Variants in ST8SIA1 observed in about 807,000 individuals in gnomAD.
ST8SIA1 encodes the protein ST8 alpha-N-acetyl-neuraminide alpha-2,8-sialyltransferase 1.
ST8SIA1 carries 16 observed loss-of-function variants against 35.9 expected under a neutral mutation model. The observed-to-expected ratio is 0.45, with a 90% CI of 0.30 to 0.68. The LOEUF (loss-of-function observed/expected upper bound fraction) is 0.68, where lower values mean the gene tolerates loss of function less well. Among genes scored for constraint, ST8SIA1 ranks in the 30% least tolerant of loss-of-function variants. The pLI is 0.09. For missense variants in ST8SIA1, 383 were observed against 453.6 expected (o/e 0.84, Z 1.41); for synonymous variants, 170 against 169.6 (o/e 1.00, Z -0.02).
At chr12:22,218,689 A>G (rs991260330) in intron 4 of ST8SIA1, among the ~76,000 whole-genome samples, 45 of 150,918 alleles carry the variant, frequency 3.0e-4, no homozygotes, top group African/African-American at 2.0e-4. Flanking sequence ...GCTACTCAAG[A>G]GGCCAAGGCA....
chr12:22,248,687 G>C (rs1865631695), intron 4 of ST8SIA1: 1 of 220,896 alleles, frequency 4.5e-6, no homozygotes, highest in Non-Finnish European at 8.8e-6. Flanking sequence ...CAATAAATTG[G>C]GACTGAAGCC....
chr12:22,200,858 A>G lies in ST8SIA1; in HGVS notation c.*694T>C, dbSNP rs1000834569. 6.6e-6 allele frequency: 1 copy of G among 152,178 alleles called. No homozygotes were observed. The highest frequency in any genetic ancestry group is 2.4e-5 in the African/African-American group (1 of 41,438). The allele number at this position is 152,178 out of a possible 1,614,324, so 9.4% of individuals were successfully genotyped here. A position where few individuals can be genotyped will look rare whatever the true frequency, so the allele number is the denominator to read the frequency against. ...GAAAGTGGCTCCTGTTATCCAGACT[A>G]TGAAGCAACACAGTCTAAATTCAAT... On this transcript the variant is annotated 3_prime_UTR_variant, in exon 5 of 5. Transcript: ENST00000396037.
chr12:22,211,171 T>C (rs1175210855), intron 4 of ST8SIA1, among the ~76,000 whole-genome samples: 1 of 152,240 alleles, frequency 6.6e-6, no homozygotes, highest in African/African-American at 2.4e-5. Context: ...GGGCAATGTA[T>C]GGAGGAAGGA....
At chr12:22,303,047 C>T (rs570139949) in intron 1 of ST8SIA1, among the ~76,000 whole-genome samples, 16 of 152,304 alleles carry the variant, frequency 1.1e-4, no homozygotes, top group Middle Eastern at 3.4e-3. Flanking sequence ...GTCATGGACA[C>T]ACGTGCTCAA....
intron 1 of ST8SIA1, 158 bp downstream of exon 1, chr12:22,333,839 A>C: frequency 1.2e-6 from 1 of 802,104 alleles, no homozygotes; most frequent in Non-Finnish European, 2.2e-6. Context: ...TAAAGTCTCC[A>C]GGTTGGGAAT....
chr12:22,249,241 T>C lies in ST8SIA1; in HGVS notation c.492-143A>G, dbSNP rs188288814. On this transcript the variant is annotated intron_variant, in intron 3 of 4. Coordinates refer to ENST00000396037, the MANE Select transcript of ST8SIA1 (RefSeq NM_003034.4). ...TTTTGTTTTTTTTTTTTTTTTGAGA[T>C]GGAGTCTCGCTCTGTTGCCCAGGCT... 1.2e-4 allele frequency: 67 copies of C among 578,426 alleles called. 1 individual carries two copies. Among genetic ancestry groups the C allele is most frequent in the Admixed American group, 1.7e-4 (6 of 34,650 alleles). The allele number at this position is 578,426 out of a possible 1,614,324, so 35.8% of individuals were successfully genotyped here.
chr12:22,206,505 G>A (rs1865112174), intron 4 of ST8SIA1, among the ~76,000 whole-genome samples: 1 of 152,204 alleles, frequency 6.6e-6, no homozygotes, highest in Admixed American at 6.5e-5. Flanking sequence ...CAGGTAGGAA[G>A]AGTGGGTAGG....
chr12:22,268,550 G>A (rs1323039469), intron 2 of ST8SIA1: 2 of 152,318 alleles, frequency 1.3e-5, no homozygotes, highest in African/African-American at 2.4e-5. Context: ...AAACAATCAC[G>A]GCAGAAGGGG....
At chr12:22,320,991 GAAAGAAAGAAAGAAGA>G (rs1565595955) in intron 1 of ST8SIA1, among the ~76,000 whole-genome samples, 18 of 114,892 alleles carry the variant, frequency 1.6e-4, no homozygotes, top group East Asian at 1.1e-3. Context: ...AAGAAAGAAA[GAAAGAAAGAAAGAAGA>G]AAGAAAGAAA....
chr12:22,244,647 G>A (rs748570558), intron 4 of ST8SIA1, among the ~76,000 whole-genome samples: 3 of 151,970 alleles, frequency 2.0e-5, no homozygotes, highest in Non-Finnish European at 2.9e-5. Context: ...TGGTAGAGAC[G>A]AGGTTTTGCC....
intron 4 of ST8SIA1, among the ~76,000 whole-genome samples, chr12:22,220,666 A>G (rs1332421370): frequency 1.3e-5 from 2 of 152,208 alleles, no homozygotes; most frequent in Non-Finnish European, 2.9e-5. Context: ...CAAAGTAAAA[A>G]CAGTGTTGGG....
intron 1 of ST8SIA1, chr12:22,326,027 A>C (rs897066986): frequency 2.1e-6 from 1 of 475,346 alleles, no homozygotes; most frequent in Non-Finnish European, 3.7e-6. Context: ...TTTAAAACTT[A>C]TGAATTGTTT....
intron 2 of ST8SIA1, among the ~76,000 whole-genome samples, chr12:22,256,425 C>T (rs913753583): frequency 1.3e-5 from 2 of 152,220 alleles, no homozygotes; most frequent in African/African-American, 4.8e-5. Flanking sequence ...TACAGAATTT[C>T]CTGCTTGCTG....
chr12:22,276,090 T>G (rs370373680), intron 2 of ST8SIA1, among the ~76,000 whole-genome samples: 6 of 152,144 alleles, frequency 3.9e-5, no homozygotes, highest in African/African-American at 1.4e-4. Context: ...TGGGGAGTGA[T>G]CTTTCCCTCA....
rs549240347 is a variant in ST8SIA1 at position 22,259,582 on chromosome 12, C to T, written c.382-4193G>A. On this transcript the variant is annotated intron_variant, in intron 2 of 4. Coordinates refer to ENST00000396037, the MANE Select transcript of ST8SIA1 (RefSeq NM_003034.4). Reference sequence around the variant, plus strand: ...CCAGGTTCACGCCATTCTCCTGCCTCGGCCTCCCGAGTAGCTGGGACTACA... The same window carrying T: ...CCAGGTTCACGCCATTCTCCTGCCTTGGCCTCCCGAGTAGCTGGGACTACA... 7.2e-5 allele frequency among the ~76,000 whole-genome samples: 11 copies of T among 152,166 alleles called. No homozygotes were observed. In the East Asian group the frequency reaches 1.9e-3, roughly 27 times the overall value.
chr12:22,233,613 T>C (rs1865442414), intron 4 of ST8SIA1, among the ~76,000 whole-genome samples: 1 of 151,938 alleles, frequency 6.6e-6, no homozygotes, highest in Admixed American at 6.6e-5. Context: ...TAAGCTGCGA[T>C]GCCAACCATA....
chr12:22,240,720 A>G (rs1420718247), intron 4 of ST8SIA1, among the ~76,000 whole-genome samples: 1 of 152,110 alleles, frequency 6.6e-6, no homozygotes, highest in Non-Finnish European at 1.5e-5. Context: ...AACATAAACA[A>G]TTGTTCCCCC....
intron 2 of ST8SIA1, among the ~76,000 whole-genome samples, chr12:22,284,174 C>CA (rs35943365): frequency 0.24 from 36,992 of 151,666 alleles, 4,659 homozygotes; most frequent in African/African-American, 0.33. Flanking sequence ...GTACCAACGA[C>CA]AAAAAAACAA....
At chr12:22,212,746 A>G (rs1865188341) in intron 4 of ST8SIA1, among the ~76,000 whole-genome samples, 1 of 152,174 alleles carries the variant, frequency 6.6e-6, no homozygotes, top group African/African-American at 2.4e-5. Flanking sequence ...AAGGATGATA[A>G]TAGTCCCTTT....
Sources: gnomAD v4.1 joint callset for allele counts (sites outside exome capture counted in the v4.1 genomes callset) on GRCh38, gnomAD v4.1.1 for gene constraint, MANE v1.5 for transcripts, NCBI Gene and HGNC (gene_info 2026-07-23, HGNC 2026-07-21) for gene names.